TMCO4: variants seen among roughly 807,000 people sequenced by gnomAD.
TMCO4 encodes the protein transmembrane and coiled-coil domain-containing protein 4.
TMCO4 carries 58 observed loss-of-function variants against 64.7 expected under a neutral mutation model. That is an observed-to-expected ratio of 0.90 (90% CI 0.73 to 1.12). TMCO4 has a LOEUF of 1.12. Among genes scored for constraint, TMCO4 ranks in the 50% most tolerant of loss-of-function variants. The pLI, the probability that TMCO4 is intolerant of heterozygous loss-of-function variation, is 0.00. For synonymous variants in TMCO4, 325 were observed against 346.1 expected, an observed-to-expected ratio of 0.94 and a Z score of 0.68; for missense variants, 780 against 825.9, an observed-to-expected ratio of 0.94 and a Z score of 0.68.
chr1:19,746,322 C>T (rs1478887440), intron 9 of TMCO4, 134 bp downstream of exon 9: 7 of 1,351,634 alleles, frequency 5.2e-6, no homozygotes, highest in Non-Finnish European at 7.1e-6. Flanking sequence ...AGGCTGGGAC[C>T]CAGAGTGAGA....
intron 4 of TMCO4, among the ~76,000 whole-genome samples, chr1:19,780,234 C>A (rs953783707): frequency 1.8e-4 from 28 of 152,198 alleles, no homozygotes; most frequent in African/African-American, 6.8e-4. Flanking sequence ...TAGATTTCTT[C>A]ATCTACAGAT....
chr1:19,703,531 TTTTC>T (rs1438727063), intron 13 of TMCO4, among the ~76,000 whole-genome samples: 97 of 150,962 alleles, frequency 6.4e-4, no homozygotes, highest in African/African-American at 2.0e-3. Context: ...CCTTCTTTTC[TTTTC>T]TTTCTTTTTC....
chr1:19,683,270 C>A lies in TMCO4; in HGVS notation c.1675G>T (p.Val559Phe), dbSNP rs1334901899. The change falls in exon 16 of 16, where the codon GTT becomes TTT. Residue 559 changes from valine to phenylalanine, a missense_variant. Transcript: ENST00000294543. ...GATATGGGACCCTGGGTTTGCCCAACCTGGTGGGGGGTCTCGCCTGATGAG... is the reference window on the plus strand; with the variant it reads ...GATATGGGACCCTGGGTTTGCCCAAACTGGTGGGGGGTCTCGCCTGATGAG... Reference protein sequence around the residue: ...AASSGETPHQVGQTQGPISGD... With the variant: ...AASSGETPHQFGQTQGPISGD... 1 of 1,614,032 alleles carries A rather than the reference C, an allele frequency of 6.2e-7. No individual in the cohort carries two copies. The highest frequency in any genetic ancestry group is 1.7e-5 in the Admixed American group (1 of 60,012).
At chr1:19,740,990 T>C (rs917268807) in intron 10 of TMCO4, 49 bp from the exon 11 acceptor site, 2 of 1,540,342 alleles carry the variant, frequency 1.3e-6, no homozygotes, top group Middle Eastern at 2.3e-4. Context: ...TGGCAGAGGA[T>C]GCCCCACCCC....
At chr1:19,752,638 C>T (rs2042070836) in intron 7 of TMCO4, among the ~76,000 whole-genome samples, 1 of 152,018 alleles carries the variant, frequency 6.6e-6, no homozygotes, top group Admixed American at 6.6e-5. Flanking sequence ...CCTGGATGAC[C>T]CCATAAAATC....
At chr1:19,788,474 G>A (rs778929128) in intron 2 of TMCO4, among the ~76,000 whole-genome samples, 2 of 152,146 alleles carry the variant, frequency 1.3e-5, no homozygotes, top group African/African-American at 2.4e-5. Flanking sequence ...GGCAGGGACC[G>A]GGATTGGATT....
intron 15 of TMCO4, among the ~76,000 whole-genome samples, chr1:19,685,311 G>C (rs559540389): frequency 6.9e-6 from 1 of 144,880 alleles, no homozygotes; most frequent in South Asian, 2.2e-4. Context: ...GGGCGACAGA[G>C]CAAGACCCTG....
intron 14 of TMCO4, among the ~76,000 whole-genome samples, chr1:19,698,908 C>A (rs1448294757): frequency 1.3e-5 from 2 of 152,264 alleles, no homozygotes; most frequent in African/African-American, 2.4e-5. Context: ...ACCAAAAAAT[C>A]ATGTGCGGCG....
chr1:19,717,161 G>A (rs1054123687), intron 13 of TMCO4, among the ~76,000 whole-genome samples: 13 of 152,150 alleles, frequency 8.5e-5, no homozygotes, highest in Admixed American at 7.9e-4. Flanking sequence ...ACTCCAGCCT[G>A]GGCAACATGA....
chr1:19,702,562 C>T (rs1280216346), intron 13 of TMCO4, among the ~76,000 whole-genome samples: 1 of 151,970 alleles, frequency 6.6e-6, no homozygotes, highest in Non-Finnish European at 1.5e-5. Context: ...CCACTGCACT[C>T]CAGCCTGGGC....
At chr1:19,736,299 A>G (rs555615947) in intron 13 of TMCO4, among the ~76,000 whole-genome samples, 13 of 152,322 alleles carry the variant, frequency 8.5e-5, no homozygotes, top group Non-Finnish European at 1.6e-4. Flanking sequence ...TGGAAACAGC[A>G]TGGGGAAAAC....
chr1:19,687,579 A>G (rs918011364), intron 15 of TMCO4, among the ~76,000 whole-genome samples: 5 of 152,172 alleles, frequency 3.3e-5, no homozygotes, highest in African/African-American at 1.2e-4. Flanking sequence ...GGGCTGATCC[A>G]TTTGGGAGCC....
intron 7 of TMCO4, among the ~76,000 whole-genome samples, chr1:19,750,819 G>A (rs1487385360): frequency 2.0e-5 from 3 of 152,202 alleles, no homozygotes; most frequent in Admixed American, 6.5e-5. Flanking sequence ...AGCCGAGATG[G>A]GACATATCCT....
At chr1:19,784,667 T>C (rs1278292135) in intron 3 of TMCO4, among the ~76,000 whole-genome samples, 3 of 152,134 alleles carry the variant, frequency 2.0e-5, no homozygotes, top group Admixed American at 1.3e-4. Context: ...AGACCAGTCA[T>C]GTCACTAGGT....
intron 6 of TMCO4, among the ~76,000 whole-genome samples, chr1:19,768,051 C>T (rs900453137): frequency 2.0e-5 from 3 of 149,738 alleles, no homozygotes; most frequent in African/African-American, 7.5e-5. Context: ...AAGATCATGC[C>T]ACCTGTACTC....
intron 13 of TMCO4, among the ~76,000 whole-genome samples, chr1:19,717,168 A>G (rs1263966714): frequency 6.6e-6 from 1 of 152,228 alleles, no homozygotes; most frequent in Non-Finnish European, 1.5e-5. Context: ...CCTGGGCAAC[A>G]TGAGCGAAAC....
intron 14 of TMCO4, among the ~76,000 whole-genome samples, chr1:19,695,447 C>A (rs2095229953): frequency 6.6e-6 from 1 of 152,258 alleles, no homozygotes; most frequent in African/African-American, 2.4e-5. Flanking sequence ...CTGTTCTCCC[C>A]TCTGCACCCC....
rs925916996 is a variant in TMCO4 at position 19,682,448 on chromosome 1, C to T, written c.*592G>A. Reference sequence around the variant, plus strand: ...CATTGTGTCTGTGTGACTCATGTCCCTGGAGTTATGCAGCGCACAGCCTAC... The same window carrying T: ...CATTGTGTCTGTGTGACTCATGTCCTTGGAGTTATGCAGCGCACAGCCTAC... On this transcript the variant is annotated 3_prime_UTR_variant, in exon 16 of 16. Coordinates refer to ENST00000294543, the MANE Select transcript of TMCO4 (RefSeq NM_181719.7). 2.7e-5 allele frequency: 16 copies of T among 596,568 alleles called. 1 individual carries two copies. The highest frequency in any genetic ancestry group is 8.8e-4 in the Middle Eastern group (2 of 2,270). The allele number at this position is 596,568 out of a possible 1,614,324, so 37.0% of individuals were successfully genotyped here. A position where few individuals can be genotyped will look rare whatever the true frequency, so the allele number is the denominator to read the frequency against.
chr1:19,711,614 G>A (rs2095331054), intron 13 of TMCO4, among the ~76,000 whole-genome samples: 1 of 151,908 alleles, frequency 6.6e-6, no homozygotes, highest in East Asian at 1.9e-4. Context: ...TCAGCCTCCT[G>A]AGAAGCTGGG....
Sources: gnomAD v4.1 joint callset for allele counts (sites outside exome capture counted in the v4.1 genomes callset) on GRCh38, gnomAD v4.1.1 for gene constraint, MANE v1.5 for transcripts, NCBI Gene and HGNC (gene_info 2026-07-23, HGNC 2026-07-21) for gene names.